Variants in FIP1L1 observed in about 807,000 individuals in gnomAD.
The protein encoded by FIP1L1 is factor interacting with PAPOLA and CPSF1.
In FIP1L1, 21 loss-of-function variants were observed where a neutral mutation model predicts 84.6. The ratio of observed to expected loss-of-function variants is 0.25; its 90% CI spans 0.18 to 0.36. The LOEUF is 0.36. Among genes scored for constraint, FIP1L1 ranks in the 10% least tolerant of loss-of-function variants. The probability of loss-of-function intolerance (pLI) is 1.00; values close to 1 mark genes in which losing one functional copy is unlikely to be tolerated. For synonymous variants in FIP1L1, 263 were observed against 242.3 expected, an observed-to-expected ratio of 1.09 and a Z score of -0.80; for missense variants, 526 against 751.1, an observed-to-expected ratio of 0.70 and a Z score of 3.50.
chr4:53,388,648 G>A (rs182202601), intron 5 of FIP1L1, among the ~76,000 whole-genome samples: 1 of 152,266 alleles, frequency 6.6e-6, no homozygotes, highest in East Asian at 1.9e-4. Flanking sequence ...TTACTGATAT[G>A]TTTTTGTTCA....
rs1560600714 is a variant in FIP1L1 at position 53,460,405 on chromosome 4, G to GTGA, written c.*958_*960dup. On this transcript the variant is annotated 3_prime_UTR_variant, in exon 18 of 18. Coordinates refer to ENST00000337488, the MANE Select transcript of FIP1L1 (RefSeq NM_030917.4). ...ATAAATTACTAGGATCTTTTAAATA[G>GTGA]TGATAATACAAAAGTAATCTTAATT... 1 of 189,128 alleles carries GTGA rather than the reference G, an allele frequency of 5.3e-6. No homozygotes were observed. Among genetic ancestry groups the GTGA allele is most frequent in the Non-Finnish European group, 1.1e-5 (1 of 90,408 alleles). The allele number at this position is 189,128 out of a possible 1,614,324, so 11.7% of individuals were successfully genotyped here.
rs1458330252 is a variant in FIP1L1 at position 53,444,086 on chromosome 4, C to T, written c.1268C>T (p.Ala423Val). Reference sequence around the variant, plus strand: ...GGTTATGATAGTCGTTCTGCACGTGCATTTCCATATGGCAATGGTAAGTAG... The same window carrying T: ...GGTTATGATAGTCGTTCTGCACGTGTATTTCCATATGGCAATGGTAAGTAG... ...SSGYDSRSAR[A>V]FPYGNVAFPH... Residue 423 changes from alanine to valine, a missense_variant, in exon 15 of 18, where the codon GCA becomes GTA. This residue lies in a region of FIP1L1 where 83 missense variants were observed against 93.8 expected (regional missense o/e 0.88). Transcript: ENST00000337488. The T allele has an allele frequency of 1.2e-6, 2 of 1,605,380 alleles. No homozygotes were observed. The highest frequency in any genetic ancestry group is 1.7e-5 in the Admixed American group (1 of 59,960).
intron 10 of FIP1L1, among the ~76,000 whole-genome samples, chr4:53,413,612 TA>T (rs1275538748): frequency 3.5e-4 from 53 of 152,224 alleles, no homozygotes; most frequent in African/African-American, 1.2e-3. Context: ...TAAGAAAACC[TA>T]TTCAGTAGTT....
intron 12 of FIP1L1, among the ~76,000 whole-genome samples, chr4:53,426,304 A>T (rs1764334193): frequency 1.3e-5 from 2 of 152,270 alleles, no homozygotes; most frequent in Admixed American, 6.5e-5. Context: ...ATGAGACCCA[A>T]GTCTAAACAT....
Position 53,414,597 on chromosome 4 carries a change from G to T in FIP1L1, c.816-18G>T. 2 of 1,558,336 alleles carry T rather than the reference G, an allele frequency of 1.3e-6. No homozygotes were observed. The highest frequency in any genetic ancestry group is 1.7e-5 in the Admixed American group (1 of 57,946). ...ACAACAATATGTAAGAAAAAACATA[G>T]AAAATTTATCTCACCAGAAACAGCA... On this transcript the variant is annotated intron_variant, in intron 10 of 17. Coordinates refer to ENST00000337488, the MANE Select transcript of FIP1L1 (RefSeq NM_030917.4).
intron 13 of FIP1L1, among the ~76,000 whole-genome samples, chr4:53,432,431 A>G (rs978779924): frequency 6.6e-6 from 1 of 151,514 alleles, no homozygotes; most frequent in African/African-American, 2.4e-5. Context: ...AAAAGAAAGA[A>G]AACAAATACT....
chr4:53,378,380 A>G (rs1357807033), intron 1 of FIP1L1: 1 of 154,298 alleles, frequency 6.5e-6, no homozygotes, highest in Non-Finnish European at 1.4e-5. Context: ...CTGTACAACT[A>G]ACGTCTTGTT....
chr4:53,384,346 T>G (rs923201615), intron 5 of FIP1L1, among the ~76,000 whole-genome samples: 1 of 151,996 alleles, frequency 6.6e-6, no homozygotes, highest in Non-Finnish European at 1.5e-5. Context: ...GAGGTGGAGG[T>G]TGCGGTGAAC....
chr4:53,427,870 A>G (rs1222126221), intron 12 of FIP1L1, among the ~76,000 whole-genome samples, 157 bp from the exon 13 acceptor site: 1 of 152,242 alleles, frequency 6.6e-6, no homozygotes, highest in Non-Finnish European at 1.5e-5. Context: ...GTATACACAT[A>G]TCACACATGT....
At chr4:53,455,703 T>C (rs1305580843) in intron 16 of FIP1L1, among the ~76,000 whole-genome samples, 1 of 152,140 alleles carries the variant, frequency 6.6e-6, no homozygotes, top group Admixed American at 6.6e-5. Flanking sequence ...AAAATTGATA[T>C]CGATGCATAA....
At chr4:53,432,122 A>G (rs1364646596) in intron 13 of FIP1L1, among the ~76,000 whole-genome samples, 1 of 152,144 alleles carries the variant, frequency 6.6e-6, no homozygotes, top group Non-Finnish European at 1.5e-5. Flanking sequence ...TGGGCCAGGC[A>G]TGGTGGCTCA....
chr4:53,458,566 G>T, intron 16 of FIP1L1, 87 bp from the exon 17 acceptor site: 1 of 1,363,660 alleles, frequency 7.3e-7, no homozygotes, highest in Non-Finnish European at 9.9e-7. Context: ...TTTGGATTTG[G>T]ACTGCAGATC....
chr4:53,392,710 TTAAAAAGAGAA>T (rs1234725006), intron 9 of FIP1L1, among the ~76,000 whole-genome samples: 1 of 152,046 alleles, frequency 6.6e-6, no homozygotes, highest in Non-Finnish European at 1.5e-5. Flanking sequence ...TGTAGTAGAC[TTAAAAAGAGAA>T]TAAAAAGAAA....
chr4:53,393,378 C>T (rs1745330520), intron 9 of FIP1L1, among the ~76,000 whole-genome samples: 1 of 152,186 alleles, frequency 6.6e-6, no homozygotes, highest in Non-Finnish European at 1.5e-5. Flanking sequence ...GCCCATCAGC[C>T]TCTTTAAGAT....
chr4:53,386,496 G>T (rs1373568135), intron 5 of FIP1L1, among the ~76,000 whole-genome samples: 2 of 152,200 alleles, frequency 1.3e-5, no homozygotes, highest in Non-Finnish European at 2.9e-5. Context: ...CAACATAAGT[G>T]CTAGAATAGA....
rs923056633 is a variant in FIP1L1 at position 53,377,778 on chromosome 4, G to A, written c.-61G>A. 7 of 1,438,822 alleles carry A rather than the reference G, an allele frequency of 4.9e-6. No individual in the cohort carries two copies. The African/African-American group carries it at 1.0e-4, about 21-fold the overall frequency. 89.1% of individuals were successfully genotyped at this position (1,438,822 alleles called of 1,614,324 possible). On this transcript the variant is annotated 5_prime_UTR_variant, in exon 1 of 18. Transcript: ENST00000337488. ...CCTTCTCGCGCCTCGGGGCTGCGAG[G>A]CTGGGGAAGGGGTTGGAGGGGGCTG...
intron 1 of FIP1L1, 137 bp downstream of exon 1, chr4:53,378,060 G>GGAC: frequency 5.3e-6 from 4 of 748,594 alleles, no homozygotes; most frequent in Non-Finnish European, 6.0e-6. Flanking sequence ...GACTTAGGCC[G>GGAC]AGCGCGGCGT....
At chr4:53,396,679 C>T (rs1747555968) in intron 9 of FIP1L1, among the ~76,000 whole-genome samples, 1 of 152,222 alleles carries the variant, frequency 6.6e-6, no homozygotes, top group South Asian at 2.1e-4. Flanking sequence ...GCTGGGATTA[C>T]AGGCTTGAGC....
chr4:53,402,385 G>GT (rs1287106244), intron 10 of FIP1L1, among the ~76,000 whole-genome samples: 4 of 151,528 alleles, frequency 2.6e-5, no homozygotes, highest in African/African-American at 7.3e-5. Flanking sequence ...GTCAGGAGAA[G>GT]TTTTTTTTCA....
Sources: gnomAD v4.1 joint callset for allele counts (sites outside exome capture counted in the v4.1 genomes callset) on GRCh38, gnomAD v4.1.1 for gene constraint, gnomAD v4.1.1 regional missense constraint, MANE v1.5 for transcripts, NCBI Gene and HGNC (gene_info 2026-07-23, HGNC 2026-07-21) for gene names.